MCM6: variants seen among roughly 807,000 people sequenced by gnomAD.
The protein encoded by MCM6 is minichromosome maintenance complex component 6.
Under a neutral mutation model 94.3 loss-of-function variants are expected in MCM6, and 46 were observed. That is an observed-to-expected ratio of 0.49 (90% confidence interval 0.39 to 0.62). The LOEUF (loss-of-function observed/expected upper bound fraction) is 0.62, where lower values mean the gene tolerates loss of function less well. Among genes scored for constraint, MCM6 ranks in the 20% least tolerant of loss-of-function variants. MCM6 has a pLI of 0.00. For synonymous variants in MCM6, 335 were observed against 351.9 expected (o/e 0.95, Z 0.54); for missense variants, 865 against 1,017.9 (o/e 0.85, Z 2.04).
chr2:135,863,358 ACT>A (rs1321015562), intron 7 of MCM6, among the ~76,000 whole-genome samples: 5 of 152,308 alleles, frequency 3.3e-5, no homozygotes, highest in African/African-American at 1.2e-4. Flanking sequence ...GGAACTGTCG[ACT>A]CTCTGAACTC....
chr2:135,848,866 CAG>C (rs1333750242), intron 13 of MCM6, among the ~76,000 whole-genome samples: 2 of 152,060 alleles, frequency 1.3e-5, no homozygotes, highest in African/African-American at 4.8e-5. Context: ...GCCTGGGCGA[CAG>C]AGTGAGACTC....
chr2:135,869,836 T>A (rs932701223), intron 3 of MCM6, among the ~76,000 whole-genome samples: 1 of 152,124 alleles, frequency 6.6e-6, no homozygotes, highest in Non-Finnish European at 1.5e-5. Context: ...TTACATCTAA[T>A]CCCATCTCCA....
At chr2:135,847,395 A>G (rs1440334627) in intron 14 of MCM6, among the ~76,000 whole-genome samples, 2 of 152,216 alleles carry the variant, frequency 1.3e-5, no homozygotes, top group Admixed American at 1.3e-4. Context: ...CCTGGGTGAC[A>G]GAATGAGACC....
rs776274159 is a variant in MCM6, at chr2:135,859,432, C to G, written c.1231G>C (p.Glu411Gln). ...AKSQFLKHVE[E>Q]FSPRAVYTSG... is the part of the protein sequence containing the mutation. Reference sequence around the variant, plus strand: ...GTGTAGACAGCTCTGGGGCTGAACTCCTCCACGTGCCTGTTCAAGGTTATC... The same window carrying G: ...GTGTAGACAGCTCTGGGGCTGAACTGCTCCACGTGCCTGTTCAAGGTTATC... Residue 411 changes from glutamate (E) to glutamine (Q), a missense_variant, in exon 9 of 17, where the codon GAG (glutamate) becomes CAG (glutamine). Transcript: ENST00000264156. 1.2e-6 allele frequency: 2 copies of G among 1,609,030 alleles called. No homozygotes were observed. The highest frequency in any genetic ancestry group is 1.7e-6 in the Non-Finnish European group (2 of 1,177,960).
rs528519594 is a variant in MCM6 at position 135,839,933 on chromosome 2, C to G, written c.*902G>C. 6.6e-6 allele frequency: 1 copy of G among 152,252 alleles called. No homozygotes were observed. The highest frequency in any genetic ancestry group is 1.9e-4 in the East Asian group (1 of 5,182). 9.4% of individuals were successfully genotyped at this position (152,252 alleles called of 1,614,324 possible). A position where few individuals can be genotyped will look rare whatever the true frequency, so the allele number is the denominator to read the frequency against. ...TTTTGCTTTTGTGACCTTTAACATA[C>G]TTTGTGATTTAATGAATGCCATCTG... On this transcript the variant is annotated 3_prime_UTR_variant, in exon 17 of 17. Coordinates refer to ENST00000264156, the MANE Select transcript of MCM6 (RefSeq NM_005915.6).
At position 135,846,324 on chromosome 2, in the gene MCM6, C is replaced by T; in HGVS notation, c.2122G>A (p.Ala708Thr). The change falls in exon 15 of 17, where the codon GCT becomes ACT. Residue 708 changes from alanine to threonine, a missense_variant. By Grantham distance (58) the Ala-to-Thr change is moderately conservative. Transcript: ENST00000264156. ...CCCAGCCTTAAGGAGGCTTTGGGAG[C>T]AGACTCTTGATTTATGTCTTCATTG... ...GYNEDINQESAPKASLRLGFS... is the reference protein window; with the variant it reads ...GYNEDINQESTPKASLRLGFS... 1 of 1,614,020 alleles carries T rather than the reference C, an allele frequency of 6.2e-7. No individual in the cohort carries two copies. Among genetic ancestry groups the T allele is most frequent in the South Asian group, 1.1e-5 (1 of 91,072 alleles).
At chr2:135,852,554 A>C (rs892570318) in intron 12 of MCM6, among the ~76,000 whole-genome samples, 16 of 152,178 alleles carry the variant, frequency 1.1e-4, no homozygotes, top group Non-Finnish European at 2.9e-5. Context: ...CTCCCATACA[A>C]ATCTTTTTAT....
intron 10 of MCM6, among the ~76,000 whole-genome samples, chr2:135,857,434 G>A (rs1041405506): frequency 1.3e-5 from 2 of 152,118 alleles, no homozygotes; most frequent in Non-Finnish European, 2.9e-5. Flanking sequence ...AGTATCTACT[G>A]TTGCTGGGAG....
At chr2:135,873,603 A>G (rs1680243381) in intron 1 of MCM6, among the ~76,000 whole-genome samples, 1 of 152,232 alleles carries the variant, frequency 6.6e-6, no homozygotes, top group African/African-American at 2.4e-5. Context: ...TTTCTCCTCC[A>G]TATACAGCAT....
intron 4 of MCM6, among the ~76,000 whole-genome samples, chr2:135,867,363 T>C (rs1182997136): frequency 2.6e-5 from 4 of 152,222 alleles, no homozygotes; most frequent in Middle Eastern, 6.8e-3. Context: ...CTTTATACAG[T>C]TGTGTTCCCC....
At chr2:135,850,086 C>G (rs1158577371) in intron 13 of MCM6, among the ~76,000 whole-genome samples, 11 of 152,050 alleles carry the variant, frequency 7.2e-5, no homozygotes, top group Admixed American at 7.2e-4. Context: ...CAACTCATTT[C>G]AGGAACTATC....
Position 135,852,724 on chromosome 2 carries a change from C to T in MCM6, c.1755+63G>A, listed in dbSNP as rs1477484053. On this transcript the variant is annotated intron_variant, in intron 12 of 16. Coordinates refer to ENST00000264156, the MANE Select transcript of MCM6 (RefSeq NM_005915.6). ...GTTCAGTTAATTTCCATATAACACA[C>T]TTACTTAAATTCCACTTTAATATAC... 5.1e-6 allele frequency: 6 copies of T among 1,172,380 alleles called. No individual in the cohort carries two copies. In the Admixed American group the frequency reaches 1.9e-4, roughly 36 times the overall value. 72.6% of individuals were successfully genotyped at this position (1,172,380 alleles called of 1,614,324 possible).
At chr2:135,858,250 A>C (rs530023657) in intron 9 of MCM6, among the ~76,000 whole-genome samples, 1 of 152,256 alleles carries the variant, frequency 6.6e-6, no homozygotes, top group East Asian at 1.9e-4. Context: ...GCACTTTGGA[A>C]GGCTGAGGTG....
chr2:135,862,799 T>TTTC lies in MCM6; in HGVS notation c.1079-52_1079-51insGAA, dbSNP rs1553438877. 5.4e-5 allele frequency: 86 copies of TTTC among 1,594,314 alleles called. 1 individual carries two copies. In the South Asian group the frequency reaches 9.2e-4, roughly 17 times the overall value. ...AAAAACTAATTTTTCAACATGAAGT[T>TTTC]AAACACTTTCAGAAGAAACAGTAAA... On this transcript the variant is annotated intron_variant, in intron 7 of 16. Coordinates refer to ENST00000264156, the MANE Select transcript of MCM6 (RefSeq NM_005915.6).
At chr2:135,850,386 G>A (rs1282645232) in intron 13 of MCM6, among the ~76,000 whole-genome samples, 5 of 91,098 alleles carry the variant, frequency 5.5e-5, no homozygotes. Flanking sequence ...TTAGTATATA[G>A]ATTATTTCAT....
chr2:135,866,487 T>C, intron 5 of MCM6, 76 bp downstream of exon 5: 5 of 1,491,090 alleles, frequency 3.4e-6, no homozygotes, highest in Non-Finnish European at 4.5e-6. Context: ...AAGAAGACAA[T>C]GAAGATGTGG....
chr2:135,868,517 G>T, intron 4 of MCM6, 94 bp downstream of exon 4: 1 of 1,270,676 alleles, frequency 7.9e-7, no homozygotes, highest in Non-Finnish European at 1.1e-6. Flanking sequence ...CATAAAAATT[G>T]AGTTGAACAT....
At chr2:135,858,183 C>A (rs1679926987) in intron 9 of MCM6, among the ~76,000 whole-genome samples, 179 bp from the exon 10 acceptor site, 1 of 151,938 alleles carries the variant, frequency 6.6e-6, no homozygotes, top group South Asian at 2.1e-4. Flanking sequence ...CAGAGTGAGA[C>A]CCTGTCTCTT....
chr2:135,840,892 C>T lies in MCM6; in HGVS notation c.2409G>A (p.Glu803=), dbSNP rs1477654350. The change falls in exon 17 of 17, where the codon GAG becomes GAA. Residue 803 remains glutamate (E), a synonymous_variant. Transcript: ENST00000264156. The stretch of plus-strand genomic sequence containing the variant: ...CCAAGTAGGGATCTTCTTCATAGCT[C>T]TCACTTCCCTCTGTGGAGCCTTTCA... ...AGLKGSTEGS[E]SYEEDPYLVV... 1 of 1,614,202 alleles carries T rather than the reference C, an allele frequency of 6.2e-7. No individual in the cohort carries two copies. Among genetic ancestry groups the T allele is most frequent in the Admixed American group, 1.7e-5 (1 of 60,030 alleles).
Sources: gnomAD v4.1 joint callset for allele counts (sites outside exome capture counted in the v4.1 genomes callset) on GRCh38, gnomAD v4.1.1 for gene constraint, MANE v1.5 for transcripts, NCBI Gene and HGNC (gene_info 2026-07-23, HGNC 2026-07-21) for gene names.